The following BOC variants were observed in gnomAD, a reference collection of about 807,000 sequenced individuals.
BOC encodes the protein BOC cell adhesion associated, oncogene regulated.
Under a neutral mutation model 112.0 loss-of-function variants are expected in BOC, and 76 were observed. The observed-to-expected ratio is 0.68, with a 90% CI of 0.56 to 0.82. The LOEUF (loss-of-function observed/expected upper bound fraction) is 0.82, where lower values mean the gene tolerates loss of function less well. BOC is among the 40% of genes least tolerant of loss of function. The pLI is 0.00. For missense variants in BOC, 1,309 were observed against 1,511.7 expected (o/e 0.87, Z 2.22); for synonymous variants, 580 against 599.8 (o/e 0.97, Z 0.48).
At chr3:113,219,481 A>G (rs1299333663) in intron 2 of BOC, among the ~76,000 whole-genome samples, 1 of 152,248 alleles carries the variant, frequency 6.6e-6, no homozygotes, top group Non-Finnish European at 1.5e-5. Flanking sequence ...AGCTTAAATA[A>G]TTGTAGGGAC....
At chr3:113,262,181 C>A (rs886608623) in intron 4 of BOC, among the ~76,000 whole-genome samples, 1 of 152,216 alleles carries the variant, frequency 6.6e-6, no homozygotes, top group Non-Finnish European at 1.5e-5. Context: ...TTTATCCAGT[C>A]TCCCTGCCTG....
chr3:113,232,958 G>C (rs1288118568), intron 2 of BOC, among the ~76,000 whole-genome samples: 1 of 152,172 alleles, frequency 6.6e-6, no homozygotes, highest in Non-Finnish European at 1.5e-5. Context: ...AGGGTTTCTT[G>C]CTTGCATAAA....
rs1439762091 is a variant in BOC at position 113,284,583 on chromosome 3, G to A, written c.2889+16G>A. Reference sequence around the variant, plus strand: ...GCTTCAGCAGGTAGCGCATTCTTGGGTGTGGGCGGCAGGTATGGGACACCC... The same window carrying A: ...GCTTCAGCAGGTAGCGCATTCTTGGATGTGGGCGGCAGGTATGGGACACCC... On this transcript the variant is annotated intron_variant, in intron 17 of 19. Coordinates refer to ENST00000682979, the MANE Select transcript of BOC (RefSeq NM_001378074.1). 1 of 1,603,364 alleles carries A rather than the reference G, an allele frequency of 6.2e-7. No individual in the cohort carries two copies. Among genetic ancestry groups the A allele is most frequent in the Non-Finnish European group, 8.5e-7 (1 of 1,174,882 alleles).
chr3:113,246,851 C>CA (rs1340529712), intron 2 of BOC, among the ~76,000 whole-genome samples: 2 of 152,128 alleles, frequency 1.3e-5, no homozygotes, highest in Admixed American at 1.3e-4. Flanking sequence ...CTCTCACTCC[C>CA]AATTCTTTTC....
At position 113,272,400 on chromosome 3, in the gene BOC, G is replaced by A; in HGVS notation, c.668-10G>A. 6.2e-7 allele frequency: 1 copy of A among 1,611,180 alleles called. No homozygotes were observed. Among genetic ancestry groups the A allele is most frequent in the African/African-American group, 1.3e-5 (1 of 74,928 alleles). On this transcript the variant is annotated splice_polypyrimidine_tract_variant and intron_variant, in intron 6 of 19. Transcript: ENST00000682979. ...CACGCCTTCTGTCCTTGCCCTCCTTGCCCCTCCAGGCTCCACCGCTGAGGC... is the reference window on the plus strand; with the variant it reads ...CACGCCTTCTGTCCTTGCCCTCCTTACCCCTCCAGGCTCCACCGCTGAGGC...
intron 4 of BOC, among the ~76,000 whole-genome samples, chr3:113,252,891 C>T (rs1220223459): frequency 6.6e-6 from 1 of 152,086 alleles, no homozygotes; most frequent in African/African-American, 2.4e-5. Context: ...TCCAGCTGTG[C>T]TTGTTGGGCG....
At chr3:113,275,688 A>T (rs1948592886) in intron 9 of BOC, among the ~76,000 whole-genome samples, 1 of 152,228 alleles carries the variant, frequency 6.6e-6, no homozygotes, top group Non-Finnish European at 1.5e-5. Flanking sequence ...ATGTGGAATT[A>T]AAAGTCTTTC....
At chr3:113,283,196 T>C (rs928286117) in intron 15 of BOC, among the ~76,000 whole-genome samples, 2 of 152,208 alleles carry the variant, frequency 1.3e-5, no homozygotes, top group African/African-American at 4.8e-5. Flanking sequence ...CTTTGAAATA[T>C]AAGGCTCAGG....
chr3:113,283,267 TTCAAATAAGA>T, intron 15 of BOC, 134 bp from the exon 16 acceptor site: 1 of 806,954 alleles, frequency 1.2e-6, no homozygotes, highest in South Asian at 1.7e-5. Flanking sequence ...GTGGACACCA[TTCAAATAAGA>T]GATTTTGAGG....
At chr3:113,248,575 C>G (rs773750508) in intron 2 of BOC, among the ~76,000 whole-genome samples, 2 of 152,150 alleles carry the variant, frequency 1.3e-5, no homozygotes, top group Non-Finnish European at 2.9e-5. Context: ...TGCCTCCCTG[C>G]CTAATAAGGC....
intron 2 of BOC, among the ~76,000 whole-genome samples, chr3:113,232,800 T>G (rs1258832041): frequency 6.6e-6 from 1 of 152,212 alleles, no homozygotes; most frequent in Non-Finnish European, 1.5e-5. Flanking sequence ...TATTCAGATT[T>G]ATTAAGTTGC....
intron 1 of BOC, among the ~76,000 whole-genome samples, 165 bp from the exon 2 acceptor site, chr3:113,216,022 C>T (rs1037252212): frequency 2.0e-4 from 31 of 152,192 alleles, no homozygotes; most frequent in Admixed American, 3.3e-4. Flanking sequence ...CTGGACATTT[C>T]GGGAGGCCTA....
intron 2 of BOC, among the ~76,000 whole-genome samples, chr3:113,246,837 C>T (rs1944977756): frequency 6.6e-6 from 1 of 152,144 alleles, no homozygotes; most frequent in African/African-American, 2.4e-5. Flanking sequence ...CACCTTCTCA[C>T]TCCCTCTCAC....
chr3:113,249,371 C>T (rs576093431), intron 2 of BOC, among the ~76,000 whole-genome samples: 2 of 152,286 alleles, frequency 1.3e-5, no homozygotes, highest in East Asian at 3.9e-4. Flanking sequence ...AGCATCTGTG[C>T]CAGATAGTCA....
chr3:113,241,977 G>C (rs914565175), intron 2 of BOC, among the ~76,000 whole-genome samples: 3 of 152,150 alleles, frequency 2.0e-5, no homozygotes, highest in Non-Finnish European at 4.4e-5. Flanking sequence ...AGGAAGGAAG[G>C]TGGAGGTGGG....
intron 6 of BOC, chr3:113,271,203 G>A (rs781575174): frequency 1.2e-5 from 8 of 651,784 alleles, no homozygotes; most frequent in South Asian, 7.5e-5. Flanking sequence ...TTTCCTTCAC[G>A]GTTACTTTGC....
chr3:113,220,052 C>CATATTTGG (rs1940292856), intron 2 of BOC, among the ~76,000 whole-genome samples: 2 of 968 alleles, frequency 2.1e-3, no homozygotes, highest in African/African-American at 3.5e-3. Flanking sequence ...AGATATTTGG[C>CATATTTGG]CCAGTAGATA....
chr3:113,275,422 G>A (rs978736548), intron 9 of BOC, among the ~76,000 whole-genome samples: 3 of 152,174 alleles, frequency 2.0e-5, no homozygotes, highest in African/African-American at 7.2e-5. Flanking sequence ...AGGGTCCCCA[G>A]GCCGCCACTC....
At chr3:113,284,161 G>A (rs941326490) in intron 16 of BOC, among the ~76,000 whole-genome samples, 174 bp from the exon 17 acceptor site, 6 of 152,038 alleles carry the variant, frequency 3.9e-5, no homozygotes, top group East Asian at 1.9e-4. Flanking sequence ...AGAAATGGGC[G>A]ACACAAAGGA....
Sources: gnomAD v4.1 joint callset for allele counts (sites outside exome capture counted in the v4.1 genomes callset) on GRCh38, gnomAD v4.1.1 for gene constraint, MANE v1.5 for transcripts, NCBI Gene and HGNC (gene_info 2026-07-23, HGNC 2026-07-21) for gene names.